UTRN: variants seen among roughly 807,000 people sequenced by gnomAD.
UTRN encodes the protein dystrophin-related protein 1.
Under a neutral mutation model 463.9 loss-of-function variants are expected in UTRN, and 283 were observed. The observed-to-expected ratio is 0.61, with a 90% CI of 0.55 to 0.67. UTRN has a LOEUF of 0.67. Ranked by LOEUF, UTRN falls within the 30% of genes least tolerant of loss-of-function variation. The pLI, the probability that UTRN is intolerant of heterozygous loss-of-function variation, is 0.00. For missense variants in UTRN, 3,922 were observed against 4,084.3 expected (o/e 0.96, Z 1.08); for synonymous variants, 1,442 against 1,431.5 (o/e 1.01, Z -0.17).
rs1585362364 is a variant in UTRN at position 144,577,306 on chromosome 6, C to T, written c.7479+18C>T. On this transcript the variant is annotated intron_variant, in intron 51 of 74. Coordinates refer to ENST00000367545, the MANE Select transcript of UTRN (RefSeq NM_007124.3). ...AGATGCAGGTAAGTGCATGGGAAAC[C>T]ACACCAGTACCTGTGTTTGCCCTGT... 5 of 1,611,548 alleles carry T rather than the reference C, an allele frequency of 3.1e-6. 1 individual carries two copies. In the Admixed American group the frequency reaches 8.3e-5, roughly 27 times the overall value.
chr6:144,569,951 C>T (rs546665135), intron 50 of UTRN, among the ~76,000 whole-genome samples: 2 of 152,268 alleles, frequency 1.3e-5, no homozygotes, highest in African/African-American at 4.8e-5. Context: ...CCAGATTCAC[C>T]CCTAGACCCT....
intron 2 of UTRN, among the ~76,000 whole-genome samples, chr6:144,383,706 T>C (rs1373655266): frequency 2.0e-5 from 3 of 152,176 alleles, no homozygotes; most frequent in Non-Finnish European, 2.9e-5. Context: ...ATGGGATTAA[T>C]CTTGTAAGTG....
intron 2 of UTRN, among the ~76,000 whole-genome samples, chr6:144,310,983 T>C (rs372936027): frequency 6.6e-6 from 1 of 152,350 alleles, no homozygotes; most frequent in East Asian, 1.9e-4. Context: ...CAGTGTAGTA[T>C]AGATATTTGT....
intron 65 of UTRN, among the ~76,000 whole-genome samples, chr6:144,814,690 A>C (rs1408444836): frequency 6.6e-6 from 1 of 152,198 alleles, no homozygotes; most frequent in African/African-American, 2.4e-5. Context: ...GAAAATGGAA[A>C]AGTAAATCTA....
At chr6:144,803,187 A>G (rs758468052) in intron 65 of UTRN, 40 bp downstream of exon 65, 2 of 1,256,158 alleles carry the variant, frequency 1.6e-6, no homozygotes, top group South Asian at 2.2e-5. Flanking sequence ...ATACATTGCC[A>G]TTGAATTAAC....
rs191597835 is a variant in UTRN at position 144,539,596 on chromosome 6, C to A, written c.6519+153C>A. ...GTTTATATTTTTTATCTGTCATAGA[C>A]AGAGGCATATATTCTAGAAGAATAC... On this transcript the variant is annotated intron_variant, in intron 45 of 74. Transcript: ENST00000367545. Among the ~76,000 whole-genome samples the A allele has an allele frequency of 3.3e-5, 5 of 152,236 alleles. No homozygotes were observed. In the East Asian group the frequency reaches 7.7e-4, roughly 23 times the overall value.
At chr6:144,324,574 A>T (rs1775861981) in intron 2 of UTRN, among the ~76,000 whole-genome samples, 1 of 152,206 alleles carries the variant, frequency 6.6e-6, no homozygotes, top group Non-Finnish European at 1.5e-5. Flanking sequence ...GACTATGAGA[A>T]CCACGTCTTG....
In UTRN at chr6:144,757,954, A is replaced by T; in HGVS notation, c.8460A>T (p.Arg2820Ser). Residue 2820 changes from arginine to serine, a missense_variant, in exon 58 of 75, where the codon AGA (arginine) becomes AGT (serine). Physicochemically the swap from Arg to Ser is moderately radical, Grantham distance 110 (BLOSUM62 -1). Coordinates refer to ENST00000367545, the MANE Select transcript of UTRN (RefSeq NM_007124.3). The part of the protein sequence containing the change: ...LSTSVQLPWQ[R>S]SISHNKVPYY... ...CGTCAGTCCAGCTGCCGTGGCAAAGATCCATTTCACATAATAAAGTGCCCT... is the reference window on the plus strand; with the variant it reads ...CGTCAGTCCAGCTGCCGTGGCAAAGTTCCATTTCACATAATAAAGTGCCCT... 2 of 1,611,408 alleles carry T rather than the reference A, an allele frequency of 1.2e-6. No homozygotes were observed. The highest frequency in any genetic ancestry group is 1.7e-6 in the Non-Finnish European group (2 of 1,178,446).
chr6:144,297,915 A>G (rs1804876295), intron 2 of UTRN, among the ~76,000 whole-genome samples: 1 of 152,230 alleles, frequency 6.6e-6, no homozygotes, highest in Non-Finnish European at 1.5e-5. Context: ...CGTTAATTAT[A>G]TAGACAGAAC....
At chr6:144,585,648 A>G (rs1283479860) in intron 51 of UTRN, among the ~76,000 whole-genome samples, 1 of 152,154 alleles carries the variant, frequency 6.6e-6, no homozygotes, top group Non-Finnish European at 1.5e-5. Flanking sequence ...TGATAGAGGT[A>G]GCTATACCAA....
At chr6:144,811,842 T>G (rs1778642934) in intron 65 of UTRN, among the ~76,000 whole-genome samples, 1 of 152,164 alleles carries the variant, frequency 6.6e-6, no homozygotes, top group African/African-American at 2.4e-5. Context: ...CTGGTTTCTA[T>G]ATTTAAGAAG....
chr6:144,342,177 CAAAT>C (rs1344061935), intron 2 of UTRN, among the ~76,000 whole-genome samples: 1 of 152,064 alleles, frequency 6.6e-6, no homozygotes, highest in African/African-American at 2.4e-5. Context: ...ATAAAAAAGA[CAAAT>C]AATAACAAAT....
At chr6:144,846,872 C>T in intron 74 of UTRN, 45 bp downstream of exon 74, 1 of 1,611,180 alleles carries the variant, frequency 6.2e-7, no homozygotes, top group Non-Finnish European at 8.5e-7. Flanking sequence ...TGATCCCAAC[C>T]TAGAGTAAGC....
rs1792983715 is a variant in UTRN at position 144,763,912 on chromosome 6, T to A, written c.8495+5923T>A. 2.6e-5 allele frequency among the ~76,000 whole-genome samples: 4 copies of A among 152,240 alleles called. No homozygotes were observed. In the South Asian group the frequency reaches 8.3e-4, roughly 31 times the overall value. On this transcript the variant is annotated intron_variant, in intron 58 of 74. Transcript: ENST00000367545. Reference sequence around the variant, plus strand: ...TTCCCTCTTTCGTGAAGATGAGGGATGGTATCTTTTTGGTTCCAGTTTTTT... The same window carrying A: ...TTCCCTCTTTCGTGAAGATGAGGGAAGGTATCTTTTTGGTTCCAGTTTTTT...
rs374872074 is a variant in UTRN at position 144,577,265 on chromosome 6, A to G, written c.7456A>G (p.Arg2486Gly). The change falls in exon 51 of 75, where the codon AGG becomes GGG. Residue 2486 changes from arginine (R) to glycine (G), a missense_variant. Coordinates refer to ENST00000367545, the MANE Select transcript of UTRN (RefSeq NM_007124.3). Reference protein sequence around the residue: ...ENALQDSILARELKQQMQDIQ... With the variant: ...ENALQDSILAGELKQQMQDIQ... ...TGCTCTTCAGGATAGTATCTTGGCC[A>G]GGGAACTCAAACAGCAGATGCAGGT... 27 of 1,613,724 alleles carry G rather than the reference A, an allele frequency of 1.7e-5. No homozygotes were observed. Among genetic ancestry groups the G allele is most frequent in the Non-Finnish European group, 2.2e-5 (26 of 1,179,860 alleles).
intron 53 of UTRN, chr6:144,706,925 AG>A: frequency 6.6e-6 from 1 of 152,342 alleles, no homozygotes; most frequent in South Asian, 2.1e-4. Flanking sequence ...CATAAAGAGT[AG>A]CCAGGAACCT....
Position 144,803,035 on chromosome 6 carries a change from G to T in UTRN, c.9246-1G>T. On this transcript the variant is annotated splice_acceptor_variant, in intron 64 of 74. Transcript: ENST00000367545. LOFTEE classifies it high-confidence loss of function. ...AATAAATTTTCTTTTGTTTTCTCTAGGTATAGAAGCCTTAAGCATTTTAAC... is the reference window on the plus strand; with the variant it reads ...AATAAATTTTCTTTTGTTTTCTCTATGTATAGAAGCCTTAAGCATTTTAAC... 1.3e-6 allele frequency: 2 copies of T among 1,544,070 alleles called. No individual in the cohort carries two copies. Among genetic ancestry groups the T allele is most frequent in the Non-Finnish European group, 8.7e-7 (1 of 1,149,958 alleles).
At chr6:144,349,211 T>C (rs1055102105) in intron 2 of UTRN, among the ~76,000 whole-genome samples, 1 of 152,122 alleles carries the variant, frequency 6.6e-6, no homozygotes, top group African/African-American at 2.4e-5. Flanking sequence ...GGTTTCCCCG[T>C]GTTAGCCAGG....
At position 144,803,162 on chromosome 6, in the gene UTRN, A is replaced by G; in HGVS notation, c.9357+15A>G. 1 of 1,447,770 alleles carries G rather than the reference A, an allele frequency of 6.9e-7. No homozygotes were observed. Among genetic ancestry groups the G allele is most frequent in the Non-Finnish European group, 9.2e-7 (1 of 1,091,798 alleles). The allele number at this position is 1,447,770 out of a possible 1,614,324, so 89.7% of individuals were successfully genotyped here. ...ATTGTATACCTGTGAGTACTAACCCACTGTTTTGTTTTTAATACATTGCCA... is the reference window on the plus strand; with the variant it reads ...ATTGTATACCTGTGAGTACTAACCCGCTGTTTTGTTTTTAATACATTGCCA... On this transcript the variant is annotated intron_variant, in intron 65 of 74. Transcript: ENST00000367545.
Sources: gnomAD v4.1 joint callset for allele counts (sites outside exome capture counted in the v4.1 genomes callset) on GRCh38, gnomAD v4.1.1 for gene constraint, MANE v1.5 for transcripts, NCBI Gene and HGNC (gene_info 2026-07-23, HGNC 2026-07-21) for gene names.